Variants in SEMA3E observed in about 807,000 individuals in gnomAD.
SEMA3E encodes semaphorin 3E.
SEMA3E carries 49 observed loss-of-function variants against 93.6 expected under a neutral mutation model. The observed-to-expected ratio is 0.52, with a 90% CI of 0.42 to 0.66. SEMA3E has a LOEUF of 0.66. SEMA3E is among the 30% of genes least tolerant of loss of function. SEMA3E has a pLI of 0.00. For synonymous variants in SEMA3E, 363 were observed against 330.7 expected, an observed-to-expected ratio of 1.10 and a Z score of -1.06; for missense variants, 906 against 964.8, an observed-to-expected ratio of 0.94 and a Z score of 0.81.
At chr7:83,554,437 A>G (rs1791839929) in intron 1 of SEMA3E, among the ~76,000 whole-genome samples, 1 of 152,140 alleles carries the variant, frequency 6.6e-6, no homozygotes, top group South Asian at 2.1e-4. Context: ...TGCACGCAAT[A>G]CTGCTTTCGA....
intron 2 of SEMA3E, among the ~76,000 whole-genome samples, chr7:83,484,020 C>A (rs1354519530): frequency 1.3e-5 from 2 of 152,144 alleles, no homozygotes; most frequent in Non-Finnish European, 2.9e-5. Context: ...CTTTCCAAGA[C>A]CTCAAACCCA....
chr7:83,543,600 T>C (rs1032800591), intron 1 of SEMA3E, among the ~76,000 whole-genome samples: 11 of 152,236 alleles, frequency 7.2e-5, no homozygotes, highest in Admixed American at 1.3e-4. Flanking sequence ...GTAAAAATGC[T>C]TGTTGATTCC....
chr7:83,620,496 A>T (rs1793528641), intron 1 of SEMA3E, among the ~76,000 whole-genome samples: 1 of 152,116 alleles, frequency 6.6e-6, no homozygotes, highest in African/African-American at 2.4e-5. Flanking sequence ...AATTCATTTT[A>T]TGAAGCCAGC....
chr7:83,543,436 G>A (rs971665361), intron 1 of SEMA3E, among the ~76,000 whole-genome samples: 5 of 151,996 alleles, frequency 3.3e-5, no homozygotes, highest in Admixed American at 3.3e-4. Flanking sequence ...ATTCCAGAGA[G>A]ACTGCCTATG....
At chr7:83,644,520 G>A (rs1794056636) in intron 1 of SEMA3E, among the ~76,000 whole-genome samples, 1 of 151,822 alleles carries the variant, frequency 6.6e-6, no homozygotes, top group African/African-American at 2.4e-5. Flanking sequence ...AGGTGATAAG[G>A]TGCATTCACA....
At chr7:83,414,217 A>G (rs201150137) in intron 5 of SEMA3E, among the ~76,000 whole-genome samples, 1 of 36,890 alleles carries the variant, frequency 2.7e-5, no homozygotes, top group Non-Finnish European at 8.9e-5. Context: ...AGAACTTACC[A>G]TTATAAAGAC....
Position 83,554,742 on chromosome 7 carries a change from C to T in SEMA3E, c.116-64468G>A, listed in dbSNP as rs575656197. ...CTGTAATCCCAGCACTTTGGGAGGC[C>T]GAGGTGGGCAGATCACGAGGTCAGG... On this transcript the variant is annotated intron_variant, in intron 1 of 16. Coordinates refer to ENST00000643230, the MANE Select transcript of SEMA3E (RefSeq NM_012431.3). 9.9e-5 allele frequency among the ~76,000 whole-genome samples: 15 copies of T among 152,078 alleles called. No individual in the cohort carries two copies. The East Asian group carries it at 2.7e-3, about 27-fold the overall frequency.
Position 83,367,357 on chromosome 7 carries a change from A to C in SEMA3E, c.*229T>G. The C allele has an allele frequency of 2.0e-6, 1 of 504,586 alleles. No individual in the cohort carries two copies. The allele number at this position is 504,586 out of a possible 1,614,324, so 31.3% of individuals were successfully genotyped here. On this transcript the variant is annotated 3_prime_UTR_variant, in exon 17 of 17. Transcript: ENST00000643230. ...CAGCTACAGTTGTTTTTTGATAAAC[A>C]TAATGAGAAACCATTAAGCAATGCA...
intron 2 of SEMA3E, among the ~76,000 whole-genome samples, chr7:83,481,016 A>G (rs921547453): frequency 2.6e-5 from 4 of 152,204 alleles, no homozygotes; most frequent in African/African-American, 9.6e-5. Flanking sequence ...GTGAAAGAAA[A>G]CTTAATGAGG....
chr7:83,574,837 A>G (rs746269543), intron 1 of SEMA3E, among the ~76,000 whole-genome samples: 1 of 152,166 alleles, frequency 6.6e-6, no homozygotes, highest in Non-Finnish European at 1.5e-5. Flanking sequence ...AGCTGACCAC[A>G]GTCACATGGG....
chr7:83,605,377 G>A (rs1342950181), intron 1 of SEMA3E, among the ~76,000 whole-genome samples: 1 of 151,266 alleles, frequency 6.6e-6, no homozygotes, highest in African/African-American at 2.4e-5. Context: ...TTTCCCTAAT[G>A]ACCAGTGATG....
chr7:83,441,270 A>G (rs1789110167), intron 4 of SEMA3E, among the ~76,000 whole-genome samples: 1 of 152,242 alleles, frequency 6.6e-6, no homozygotes, highest in African/African-American at 2.4e-5. Flanking sequence ...GGAAAAAAGT[A>G]GAAGCATAGT....
rs199677144 is a variant in SEMA3E at position 83,574,470 on chromosome 7, AAGAGAG to A, written c.115+73952_115+73957del. On this transcript the variant is annotated intron_variant, in intron 1 of 16. Coordinates refer to ENST00000643230, the MANE Select transcript of SEMA3E (RefSeq NM_012431.3). ...GAGAAGTAAAGTTTAAAAAAAAAAA[AAGAGAG>A]AGAGAGACTAAGGTAGATTGTTTGC... 6.4e-3 allele frequency among the ~76,000 whole-genome samples: 737 copies of A among 114,890 alleles called. 8 individuals are homozygous for A. The highest frequency in any genetic ancestry group is 0.027 in the African/African-American group (622 of 22,994). The allele number at this position is 114,890 out of a possible 152,430, so 75.4% of individuals were successfully genotyped here. A position where few individuals can be genotyped will look rare whatever the true frequency, so the allele number is the denominator to read the frequency against.
intron 11 of SEMA3E, among the ~76,000 whole-genome samples, chr7:83,397,640 T>A (rs1326243330): frequency 1.3e-5 from 2 of 152,192 alleles, no homozygotes; most frequent in African/African-American, 2.4e-5. Context: ...TTATCATTTC[T>A]GATATTCTGA....
In SEMA3E at chr7:83,390,022, T is replaced by C. The variant is rs1207979517; in HGVS notation, c.1667+2533A>G. Among the ~76,000 whole-genome samples the C allele has an allele frequency of 6.0e-5, 8 of 133,810 alleles. No individual in the cohort carries two copies. The East Asian group carries it at 8.6e-4, about 14-fold the overall frequency. 87.8% of individuals were successfully genotyped at this position (133,810 alleles called of 152,430 possible). ...ACGTATACACATATATACGCGTATA[T>C]GTGTATACGTATACACATATATGCG... On this transcript the variant is annotated intron_variant, in intron 14 of 16. Coordinates refer to ENST00000643230, the MANE Select transcript of SEMA3E (RefSeq NM_012431.3).
chr7:83,452,464 T>C (rs543140259), intron 4 of SEMA3E, among the ~76,000 whole-genome samples: 1 of 152,250 alleles, frequency 6.6e-6, no homozygotes, highest in South Asian at 2.1e-4. Flanking sequence ...CTCAGCAACA[T>C]AAGCATCACG....
intron 4 of SEMA3E, among the ~76,000 whole-genome samples, chr7:83,454,293 AT>A (rs1181404480): frequency 2.2e-5 from 3 of 135,916 alleles, no homozygotes; most frequent in African/African-American, 8.0e-5. Flanking sequence ...ATATATATAT[AT>A]ATAATGTGTG....
At chr7:83,372,267 G>A (rs570417018) in intron 16 of SEMA3E, 13 of 397,808 alleles carry the variant, frequency 3.3e-5, no homozygotes, top group South Asian at 1.3e-4. Context: ...TCACAGATAC[G>A]TCTTAGGACA....
At chr7:83,504,429 A>G (rs1790654789) in intron 1 of SEMA3E, among the ~76,000 whole-genome samples, 1 of 152,180 alleles carries the variant, frequency 6.6e-6, no homozygotes, top group South Asian at 2.1e-4. Context: ...GACAATCACC[A>G]AAATCTTATT....
Sources: gnomAD v4.1 joint callset for allele counts (sites outside exome capture counted in the v4.1 genomes callset) on GRCh38, gnomAD v4.1.1 for gene constraint, MANE v1.5 for transcripts, NCBI Gene and HGNC (gene_info 2026-07-23, HGNC 2026-07-21) for gene names.